The following DTX4 variants were observed in gnomAD, a reference collection of about 807,000 sequenced individuals.
DTX4 encodes the protein deltex E3 ubiquitin ligase 4.
A neutral mutation model predicts 57.6 loss-of-function variants in DTX4; 28 were observed. The observed-to-expected ratio is 0.49, with a 90% CI of 0.36 to 0.67. DTX4 has a LOEUF of 0.67. Among genes scored for constraint, DTX4 ranks in the 30% least tolerant of loss-of-function variants. The pLI is 0.00. For missense variants in DTX4, 715 were observed against 836.8 expected (o/e 0.85, Z 1.80); for synonymous variants, 316 against 331.0 (o/e 0.95, Z 0.49).
intron 6 of DTX4, 79 bp downstream of exon 6, chr11:59,192,329 C>G (rs1862610693): frequency 6.5e-7 from 1 of 1,549,100 alleles, no homozygotes; most frequent in Admixed American, 1.7e-5. Context: ...CCCTTTAGGG[C>G]CCTTGCTCAA....
rs1453028832 is a variant in DTX4, at chr11:59,205,918, T to C, written c.*1009T>C. 8 of 152,868 alleles carry C rather than the reference T, an allele frequency of 5.2e-5. No homozygotes were observed. Among genetic ancestry groups the C allele is most frequent in the Admixed American group, 5.2e-4 (8 of 15,310 alleles). The allele number at this position is 152,868 out of a possible 1,614,324, so 9.5% of individuals were successfully genotyped here. ...TGTCCCTGCACTCTGTTTTGCAAGATGCCAAACCCCAGTTCTGATGGGGCT... is the reference window on the plus strand; with the variant it reads ...TGTCCCTGCACTCTGTTTTGCAAGACGCCAAACCCCAGTTCTGATGGGGCT... On this transcript the variant is annotated 3_prime_UTR_variant, in exon 9 of 9. Transcript: ENST00000227451.
At chr11:59,195,616 A>G (rs1336514393) in intron 7 of DTX4, among the ~76,000 whole-genome samples, 3 of 151,630 alleles carry the variant, frequency 2.0e-5, no homozygotes. Flanking sequence ...TTTTTTTCAC[A>G]AACAGTGACA....
rs140937944 is a variant in DTX4 at position 59,179,355 on chromosome 11, G to A, written c.212-2384G>A. 1.7e-3 allele frequency among the ~76,000 whole-genome samples: 255 copies of A among 152,322 alleles called. 1 individual carries two copies. Among genetic ancestry groups the A allele is most frequent in the African/African-American group, 5.8e-3 (243 of 41,566 alleles). On this transcript the variant is annotated intron_variant, in intron 1 of 8. Coordinates refer to ENST00000227451, the MANE Select transcript of DTX4 (RefSeq NM_015177.2). Reference sequence around the variant, plus strand: ...AAAACAGCCTGAAGGCTGAAAGACTGGACTGCTGGTCCAAGATAAAACCCG... The same window carrying A: ...AAAACAGCCTGAAGGCTGAAAGACTAGACTGCTGGTCCAAGATAAAACCCG...
rs778530266 is a variant in DTX4, at chr11:59,204,800, C to G, written c.1751C>G (p.Ser584Cys). The G allele has an allele frequency of 2.5e-6, 4 of 1,612,946 alleles. No individual in the cohort carries two copies. The highest frequency in any genetic ancestry group is 1.7e-5 in the Admixed American group (1 of 59,910). Residue 584 changes from serine (S) to cysteine (C), a missense_variant, in exon 9 of 9, where the codon TCT becomes TGT. By Grantham distance (112) the Ser-to-Cys change is moderately radical (BLOSUM62 -1). Coordinates refer to ENST00000227451, the MANE Select transcript of DTX4 (RefSeq NM_015177.2). ...NEVHHKTEFG[S>C]NLTGHGYPDA... ...GTCCACCACAAGACAGAGTTTGGCT[C>G]TAATCTCACTGGCCATGGCTACCCA...
chr11:59,204,832 AATT>A lies in DTX4; in HGVS notation c.1785_1787del (p.Tyr596del). The A allele has an allele frequency of 6.2e-7, 1 of 1,610,428 alleles. No homozygotes were observed. Among genetic ancestry groups the A allele is most frequent in the Non-Finnish European group, 8.5e-7 (1 of 1,178,228 alleles). ...CACTGGCCATGGCTACCCAGATGCC[AATT>A]ACCTGGATAATGTGCTGGCTGAACT... On this transcript the variant is annotated inframe_deletion, in exon 9 of 9. Transcript: ENST00000227451.
At chr11:59,193,313 A>G (rs980308080) in intron 6 of DTX4, among the ~76,000 whole-genome samples, 7 of 152,138 alleles carry the variant, frequency 4.6e-5, no homozygotes, top group African/African-American at 1.7e-4. Context: ...TATTATTCAA[A>G]TTGATATCGC....
rs968472306 is a variant in DTX4 at position 59,182,540 on chromosome 11, A to AG, written c.935+82dup. ...ACAGCAGATCTTCTGGATCAGAAGG[A>AG]GGGGCTGCCAAGACTTAAGCTTCTC... On this transcript the variant is annotated intron_variant, in intron 2 of 8. Coordinates refer to ENST00000227451, the MANE Select transcript of DTX4 (RefSeq NM_015177.2). 15 of 1,447,246 alleles carry AG rather than the reference A, an allele frequency of 1.0e-5. 1 individual carries two copies. The African/African-American group carries it at 2.0e-4, about 19-fold the overall frequency. 89.7% of individuals were successfully genotyped at this position (1,447,246 alleles called of 1,614,324 possible). A position where few individuals can be genotyped will look rare whatever the true frequency, so the allele number is the denominator to read the frequency against.
Position 59,205,029 on chromosome 11 carries a change from G to T in DTX4, c.*120G>T. Reference sequence around the variant, plus strand: ...TCCCAACTTTCTATCCTCCCCTCCTGCCCTGTGTCCATCCCTCATCCCTCC... The same window carrying T: ...TCCCAACTTTCTATCCTCCCCTCCTTCCCTGTGTCCATCCCTCATCCCTCC... On this transcript the variant is annotated 3_prime_UTR_variant, in exon 9 of 9. Transcript: ENST00000227451. 1.2e-6 allele frequency: 1 copy of T among 834,614 alleles called. No individual in the cohort carries two copies. Among genetic ancestry groups the T allele is most frequent in the Admixed American group, 2.3e-5 (1 of 43,866 alleles). The allele number at this position is 834,614 out of a possible 1,614,324, so 51.7% of individuals were successfully genotyped here. A position where few individuals can be genotyped will look rare whatever the true frequency, so the allele number is the denominator to read the frequency against.
In DTX4 at chr11:59,205,891, C is replaced by T. The variant is rs1187741395; in HGVS notation, c.*982C>T. The T allele has an allele frequency of 6.5e-6, 1 of 152,872 alleles. No homozygotes were observed. The highest frequency in any genetic ancestry group is 1.5e-5 in the Non-Finnish European group (1 of 68,242). The allele number at this position is 152,872 out of a possible 1,614,324, so 9.5% of individuals were successfully genotyped here. On this transcript the variant is annotated 3_prime_UTR_variant, in exon 9 of 9. Transcript: ENST00000227451. The stretch of plus-strand genomic sequence containing the variant: ...GGGCCAGCTTGAAGGGAAGGCCCGT[C>T]ATGTCCCTGCACTCTGTTTTGCAAG...
Position 59,182,347 on chromosome 11 carries a change from C to T in DTX4, c.820C>T (p.Pro274Ser), listed in dbSNP as rs1204312254. The T allele has an allele frequency of 6.2e-7, 1 of 1,613,506 alleles. No homozygotes were observed. The highest frequency in any genetic ancestry group is 8.5e-7 in the Non-Finnish European group (1 of 1,179,858). ...SMPTGTTMGSPASPPGPNSKT... is the reference protein window; with the variant it reads ...SMPTGTTMGSSASPPGPNSKT... Reference sequence around the variant, plus strand: ...GCCCACTGGGACAACCATGGGCTCTCCTGCCAGTCCCCCAGGACCCAACAG... The same window carrying T: ...GCCCACTGGGACAACCATGGGCTCTTCTGCCAGTCCCCCAGGACCCAACAG... Residue 274 changes from proline (P) to serine (S), a missense_variant, in exon 2 of 9, where the codon CCT (proline) becomes TCT (serine). Physicochemically the swap from Pro to Ser is moderately conservative, Grantham distance 74. Transcript: ENST00000227451.
intron 7 of DTX4, among the ~76,000 whole-genome samples, chr11:59,197,418 A>G (rs1253197499): frequency 6.6e-6 from 1 of 152,110 alleles, no homozygotes; most frequent in African/African-American, 2.4e-5. Context: ...CTCGCAAGGA[A>G]GTAGAGGGAG....
chr11:59,180,959 A>G (rs1234258829), intron 1 of DTX4, among the ~76,000 whole-genome samples: 3 of 152,224 alleles, frequency 2.0e-5, no homozygotes, highest in Non-Finnish European at 4.4e-5. Flanking sequence ...TGCTACTGAT[A>G]TAAGATTTAA....
chr11:59,197,416 G>T (rs1027971678), intron 7 of DTX4, among the ~76,000 whole-genome samples: 1 of 152,148 alleles, frequency 6.6e-6, no homozygotes, highest in African/African-American at 2.4e-5. Flanking sequence ...GACTCGCAAG[G>T]AAGTAGAGGG....
intron 8 of DTX4, 143 bp from the exon 9 acceptor site, chr11:59,204,533 A>C: frequency 4.0e-6 from 3 of 753,214 alleles, no homozygotes; most frequent in Non-Finnish European, 4.3e-6. Context: ...TCCAAGTCCA[A>C]ATCTCTTTCT....
At chr11:59,171,632 C>A (rs979477540), upstream of DTX4, 4 of 152,230 alleles carry the variant, frequency 2.6e-5, no homozygotes, top group Non-Finnish European at 4.4e-5. Context: ...CTCGCCCGAG[C>A]AGCAGGGGGC....
chr11:59,172,495 G>A lies in DTX4; in HGVS notation c.-101G>A. 1.6e-6 allele frequency: 1 copy of A among 641,472 alleles called. No homozygotes were observed. The highest frequency in any genetic ancestry group is 2.1e-6 in the Non-Finnish European group (1 of 478,792). 39.7% of individuals were successfully genotyped at this position (641,472 alleles called of 1,614,324 possible). A position where few individuals can be genotyped will look rare whatever the true frequency, so the allele number is the denominator to read the frequency against. On this transcript the variant is annotated 5_prime_UTR_variant, in exon 1 of 9. Transcript: ENST00000227451. ...GGCGGCGGGGCGCGGGGCAGGGGGCGCGGTCGAGGCCCGGAGGCGGCGGCG... is the reference window on the plus strand; with the variant it reads ...GGCGGCGGGGCGCGGGGCAGGGGGCACGGTCGAGGCCCGGAGGCGGCGGCG...
At chr11:59,174,445 CAG>C (rs139423448) in intron 1 of DTX4, among the ~76,000 whole-genome samples, 163 of 136,036 alleles carry the variant, frequency 1.2e-3, no homozygotes, top group Admixed American at 1.5e-3. Flanking sequence ...GAGGTGGGAC[CAG>C]AGAGAGAGAG....
At chr11:59,191,950 T>C in intron 5 of DTX4, 148 bp from the exon 6 acceptor site, 1 of 837,138 alleles carries the variant, frequency 1.2e-6, no homozygotes. Flanking sequence ...CAAAACGATA[T>C]TTAGATTCCA....
At chr11:59,188,931 G>C in intron 3 of DTX4, 135 bp downstream of exon 3, 1 of 993,364 alleles carries the variant, frequency 1.0e-6, no homozygotes, top group Non-Finnish European at 1.5e-6. Context: ...GAATTGCATG[G>C]GAAGGGTATG....
Sources: allele counts gnomAD v4.1 joint callset (sites outside exome capture counted in the v4.1 genomes callset), GRCh38; gene constraint gnomAD v4.1.1; transcripts MANE v1.5; gene names NCBI Gene and HGNC (gene_info 2026-07-23, HGNC 2026-07-21).